HERC1: variants seen among roughly 807,000 people sequenced by gnomAD.
HERC1 encodes HECT and RLD domain containing E3 ubiquitin protein ligase family member 1.
A neutral mutation model predicts 554.3 loss-of-function variants in HERC1; 160 were observed. The observed-to-expected ratio is 0.29, with a 90% CI of 0.25 to 0.33. The LOEUF is 0.33. HERC1 is among the 10% of genes least tolerant of loss of function. The pLI, the probability that HERC1 is intolerant of heterozygous loss-of-function variation, is 1.00. For missense variants in HERC1, 4,919 were observed against 5,918.5 expected, an observed-to-expected ratio of 0.83 and a Z score of 5.54; for synonymous variants, 2,175 against 2,131.7, an observed-to-expected ratio of 1.02 and a Z score of -0.56.
At position 63,718,121 on chromosome 15, in the gene HERC1, C is replaced by CGT. The variant is rs1555427723; in HGVS notation, c.3978+452_3978+453insAC. On this transcript the variant is annotated intron_variant, in intron 21 of 77. Transcript: ENST00000443617. The surrounding 1 kb of genome is among the most constrained non-coding windows in gnomAD (Gnocchi z 4.2). ...ACACACACACACACACACACACACA[C>CGT]ACAACCCCCTCCTTGGTTTTCACTT... 4.2e-5 allele frequency among the ~76,000 whole-genome samples: 6 copies of CGT among 142,970 alleles called. No homozygotes were observed. The highest frequency in any genetic ancestry group is 9.2e-5 in the Non-Finnish European group (6 of 65,130). The allele number at this position is 142,970 out of a possible 152,430, so 93.8% of individuals were successfully genotyped here.
At chr15:63,615,669 C>T in intron 76 of HERC1, 99 bp downstream of exon 76, 1 of 837,200 alleles carries the variant, frequency 1.2e-6, no homozygotes, top group Non-Finnish European at 1.8e-6. Flanking sequence ...GGAATTAACA[C>T]AGTAAATACA....
In HERC1 at chr15:63,775,785, C is replaced by A; in HGVS notation, c.-26-136G>T. 1 of 638,170 alleles carries A rather than the reference C, an allele frequency of 1.6e-6. No homozygotes were observed. Among genetic ancestry groups the A allele is most frequent in the South Asian group, 2.1e-5 (1 of 48,262 alleles). 39.5% of individuals were successfully genotyped at this position (638,170 alleles called of 1,614,324 possible). ...GGGTGCGGTGGCTCACGCCTGTAAT[C>A]CCAACACTTTGGGAGGCCAAAGTGG... On this transcript the variant is annotated intron_variant, in intron 1 of 77. Transcript: ENST00000443617. This position sits in a 1 kb window ranked among gnomAD's most constrained non-coding sequence, Gnocchi z 4.0.
chr15:63,633,807 A>AG, intron 67 of HERC1, 41 bp downstream of exon 67: 2 of 1,594,850 alleles, frequency 1.3e-6, no homozygotes, highest in Non-Finnish European at 1.7e-6. Context: ...GATGAAAACT[A>AG]TTTATGTTGT....
Position 63,758,259 on chromosome 15 carries a change from G to A in HERC1, c.1137C>T (p.Ser379=), listed in dbSNP as rs757843565. ...SETCEVYVWG[S]NSSHQLVEGT... ...CTTCTACCAACTGATGGCTGCTATT[G>A]CTCCCCCAAACATAAACCTCACAGG... The change falls in exon 4 of 78, where the codon AGC becomes AGT. Residue 379 remains serine (S), a synonymous_variant. Transcript: ENST00000443617. The surrounding 1 kb of genome is among the most constrained non-coding windows in gnomAD (Gnocchi z 4.0). 2 of 1,613,790 alleles carry A rather than the reference G, an allele frequency of 1.2e-6. No individual in the cohort carries two copies. The highest frequency in any genetic ancestry group is 1.1e-5 in the South Asian group (1 of 91,064).
rs1482443509 is a variant in HERC1, at chr15:63,727,119, T to C, written c.3346+528A>G. ...GGTGAAACCCCGTCTCTACTAAAAA[T>C]ACAAAAATTAGCTGGACGTGGTGGT... On this transcript the variant is annotated intron_variant, in intron 17 of 77. Coordinates refer to ENST00000443617, the MANE Select transcript of HERC1 (RefSeq NM_003922.4). The surrounding 1 kb of genome is among the most constrained non-coding windows in gnomAD (Gnocchi z 4.3). Among the ~76,000 whole-genome samples the C allele has an allele frequency of 6.6e-6, 1 of 151,880 alleles. No homozygotes were observed. The highest frequency in any genetic ancestry group is 1.5e-5 in the Non-Finnish European group (1 of 67,970).
intron 1 of HERC1, among the ~76,000 whole-genome samples, chr15:63,798,823 T>C (rs1396024346): frequency 6.6e-6 from 1 of 152,196 alleles, no homozygotes; most frequent in African/African-American, 2.4e-5. Flanking sequence ...TGGTAACTCA[T>C]AGGTATATTA....
chr15:63,783,791 G>A (rs2076355045), intron 1 of HERC1, among the ~76,000 whole-genome samples: 1 of 152,184 alleles, frequency 6.6e-6, no homozygotes, highest in African/African-American at 2.4e-5. Flanking sequence ...GATCGGGCCG[G>A]GTGCAGTGGC....
intron 2 of HERC1, among the ~76,000 whole-genome samples, chr15:63,766,893 G>A (rs2075796934): frequency 6.6e-6 from 1 of 151,878 alleles, no homozygotes; most frequent in Admixed American, 6.6e-5. Context: ...GTTCAGGCTG[G>A]TCTGAAACTC....
Position 63,713,493 on chromosome 15 carries a change from T to C in HERC1, c.4323A>G (p.Ala1441=), listed in dbSNP as rs2073404534. The change falls in exon 23 of 78, where the codon GCA becomes GCG. Residue 1441 remains alanine (A), a synonymous_variant. Transcript: ENST00000443617. Reference sequence around the variant, plus strand: ...CACACCGATGGATCACGGAGTTGCATGCAGCAGTGTACACATCCTGACCCT... The same window carrying C: ...CACACCGATGGATCACGGAGTTGCACGCAGCAGTGTACACATCCTGACCCT... ...LPEGQDVYTA[A]CNSVIHRCAL... 2 of 1,614,006 alleles carry C rather than the reference T, an allele frequency of 1.2e-6. No homozygotes were observed. The highest frequency in any genetic ancestry group is 8.5e-7 in the Non-Finnish European group (1 of 1,179,890).
intron 1 of HERC1, among the ~76,000 whole-genome samples, chr15:63,807,121 T>TA (rs1198170241): frequency 3.3e-5 from 5 of 152,206 alleles, no homozygotes; most frequent in Non-Finnish European, 7.3e-5. Context: ...AACACTACCC[T>TA]ACTTTATAAA....
rs1279651574 is a variant in HERC1 at position 63,672,623 on chromosome 15, C to T, written c.7918G>A (p.Ala2640Thr). Reference protein sequence around the residue: ...AQTPVTTSPSASSTTSFMSSS... With the variant: ...AQTPVTTSPSTSSTTSFMSSS... The stretch of plus-strand genomic sequence containing the variant: ...CTCATAAAGGAGGTCGTGCTTGAGG[C>T]TGATGGGCTAGTAGTAACTGGTGTC... The change falls in exon 39 of 78, where the codon GCC (alanine) becomes ACC (threonine). Residue 2640 changes from alanine to threonine, a missense_variant. Transcript: ENST00000443617. 6 of 1,612,788 alleles carry T rather than the reference C, an allele frequency of 3.7e-6. No homozygotes were observed. Among genetic ancestry groups the T allele is most frequent in the Non-Finnish European group, 5.1e-6 (6 of 1,179,434 alleles).
intron 64 of HERC1, chr15:63,637,103 C>G (rs1426368525): frequency 2.2e-6 from 1 of 456,478 alleles, no homozygotes; most frequent in Non-Finnish European, 4.4e-6. Context: ...CTCCAAGTCA[C>G]AAAGAACTCT....
chr15:63,783,984 T>A (rs1430126269), intron 1 of HERC1, among the ~76,000 whole-genome samples: 1 of 151,344 alleles, frequency 6.6e-6, no homozygotes, highest in Non-Finnish European at 1.5e-5. Context: ...GAGAATGGCT[T>A]GAACCCGGGA....
intron 1 of HERC1, among the ~76,000 whole-genome samples, chr15:63,829,674 G>C (rs1048312807): frequency 6.7e-6 from 1 of 149,536 alleles, no homozygotes; most frequent in African/African-American, 2.5e-5. Context: ...CGAGTATACA[G>C]ATTTTGATTT....
At chr15:63,625,853 A>G in intron 71 of HERC1, 132 bp downstream of exon 71, 1 of 881,292 alleles carries the variant, frequency 1.1e-6, no homozygotes, top group Non-Finnish European at 1.9e-6. Context: ...ATGGGAATAG[A>G]AGTGTTATCT....
intron 57 of HERC1, among the ~76,000 whole-genome samples, chr15:63,644,028 G>T (rs373909610): frequency 1.7e-4 from 26 of 152,226 alleles, no homozygotes; most frequent in African/African-American, 5.3e-4. Context: ...CATAGGTAAG[G>T]CCTGTCTATA....
chr15:63,644,389 G>A (rs1595882441), intron 57 of HERC1, among the ~76,000 whole-genome samples: 1 of 152,198 alleles, frequency 6.6e-6, no homozygotes, highest in South Asian at 2.1e-4. Context: ...CTTAAACATT[G>A]GATTCTTAGC....
chr15:63,631,919 A>G (rs2068577413), intron 68 of HERC1, among the ~76,000 whole-genome samples: 2 of 151,722 alleles, frequency 1.3e-5, no homozygotes, highest in South Asian at 2.1e-4. Flanking sequence ...TTCTCATTCT[A>G]TACTCTCTCT....
intron 1 of HERC1, chr15:63,779,932 C>G (rs61054895): frequency 4.2e-5 from 6 of 143,386 alleles, no homozygotes; most frequent in Non-Finnish European, 7.5e-5. Flanking sequence ...GAGAATCGCT[C>G]GAACCCGGGA....
Sources: gnomAD v4.1 joint callset for allele counts (sites outside exome capture counted in the v4.1 genomes callset) on GRCh38, gnomAD v4.1.1 for gene constraint, Gnocchi (gnomAD v3.1) non-coding constraint, MANE v1.5 for transcripts, NCBI Gene and HGNC (gene_info 2026-07-23, HGNC 2026-07-21) for gene names.